Variants in PDE10A observed in about 807,000 individuals in gnomAD.
PDE10A encodes phosphodiesterase 10A, also known as cAMP and cAMP-inhibited cGMP 3',5'-cyclic phosphodiesterase 10A.
Under a neutral mutation model 97.7 loss-of-function variants are expected in PDE10A, and 39 were observed. That is an observed-to-expected ratio of 0.40 (90% confidence interval 0.31 to 0.52). The LOEUF (loss-of-function observed/expected upper bound fraction) is 0.52. PDE10A is among the 20% of genes least tolerant of loss of function. PDE10A has a pLI of 0.56. For synonymous variants in PDE10A, 371 were observed against 376.8 expected (o/e 0.98, Z 0.18); for missense variants, 731 against 1,047.8 (o/e 0.70, Z 4.17).
intron 1 of PDE10A, among the ~76,000 whole-genome samples, chr6:165,828,359 T>C (rs1779818087): frequency 6.6e-6 from 1 of 152,210 alleles, no homozygotes; most frequent in Admixed American, 6.5e-5. Context: ...CATTTGAGAA[T>C]AAGCTAGGTC....
chr6:165,923,128 A>G (rs1782802619), intron 1 of PDE10A, among the ~76,000 whole-genome samples: 1 of 152,238 alleles, frequency 6.6e-6, no homozygotes, highest in South Asian at 2.1e-4. Context: ...GGGAGCAGAG[A>G]TGAACAATGC....
intron 1 of PDE10A, among the ~76,000 whole-genome samples, chr6:165,577,995 C>T (rs1192054533): frequency 4.6e-5 from 7 of 152,194 alleles, no homozygotes; most frequent in African/African-American, 1.2e-4. Context: ...TCTCCACAGG[C>T]GTCTGCTCGC....
At chr6:165,682,226 G>A (rs1308199637) in intron 1 of PDE10A, among the ~76,000 whole-genome samples, 1 of 152,124 alleles carries the variant, frequency 6.6e-6, no homozygotes, top group Non-Finnish European at 1.5e-5. Flanking sequence ...TCAACCACAG[G>A]GTTCAGGTGA....
Position 165,865,841 on chromosome 6 carries a change from T to C in PDE10A, c.-615+121688A>G, listed in dbSNP as rs375670199. ...TGGGAGTTCCACAAGAAGAGATGAGTAAAGTAATAGAAACCCTATTTAATG... is the reference window on the plus strand; with the variant it reads ...TGGGAGTTCCACAAGAAGAGATGAGCAAAGTAATAGAAACCCTATTTAATG... On this transcript the variant is annotated intron_variant, in intron 1 of 19. Coordinates refer to the PDE10A transcript ENST00000366882. Among the ~76,000 whole-genome samples the C allele has an allele frequency of 2.4e-3, 359 of 151,782 alleles. 15 individuals carry two copies. In the South Asian group the frequency reaches 0.071, roughly 30 times the overall value.
At chr6:165,767,309 C>T (rs1777879599) in intron 1 of PDE10A, among the ~76,000 whole-genome samples, 1 of 152,180 alleles carries the variant, frequency 6.6e-6, no homozygotes, top group African/African-American at 2.4e-5. Flanking sequence ...CCATAAAATT[C>T]ATCCTTTAAA....
chr6:165,767,431 G>A (rs1167147246), intron 1 of PDE10A, among the ~76,000 whole-genome samples: 1 of 152,194 alleles, frequency 6.6e-6, no homozygotes, highest in Non-Finnish European at 1.5e-5. Flanking sequence ...TCCGTTGGCA[G>A]CCACTCTCCA....
At chr6:165,370,932 A>G (rs1784195916) in intron 18 of PDE10A, among the ~76,000 whole-genome samples, 1 of 143,102 alleles carries the variant, frequency 7.0e-6, no homozygotes, top group African/African-American at 2.7e-5. Flanking sequence ...AACTCACTCA[A>G]AACTGCTCAA....
At chr6:165,694,543 G>A (rs1791392702) in intron 1 of PDE10A, among the ~76,000 whole-genome samples, 1 of 152,098 alleles carries the variant, frequency 6.6e-6, no homozygotes, top group East Asian at 1.9e-4. Flanking sequence ...GGTGGGGCAG[G>A]AGAGCAGCGG....
chr6:165,938,210 G>C (rs1783397629), intron 1 of PDE10A, among the ~76,000 whole-genome samples: 1 of 152,214 alleles, frequency 6.6e-6, no homozygotes. Context: ...TGTGAAACAG[G>C]TCACCAACAG....
chr6:165,382,449 C>CCA, intron 17 of PDE10A, among the ~76,000 whole-genome samples: 1 of 152,194 alleles, frequency 6.6e-6, no homozygotes, highest in South Asian at 2.1e-4. Context: ...GTACATGAAA[C>CCA]CACATATTAG....
intron 1 of PDE10A, among the ~76,000 whole-genome samples, chr6:165,682,283 C>T (rs962886767): frequency 3.9e-5 from 6 of 152,116 alleles, no homozygotes; most frequent in Non-Finnish European, 1.5e-5. Context: ...AGACATGCAC[C>T]ACCACACACA....
In PDE10A at chr6:165,388,499, C is replaced by T. The variant is rs374655485; in HGVS notation, c.2455-46G>A. 3.6e-5 allele frequency: 56 copies of T among 1,571,760 alleles called. No homozygotes were observed. The highest frequency in any genetic ancestry group is 4.6e-5 in the Non-Finnish European group (53 of 1,144,200). Reference sequence around the variant, plus strand: ...CAGAGATGCTCAAAACACAGAAACACACATGAGCAGACTTACCGCTTACAT... The same window carrying T: ...CAGAGATGCTCAAAACACAGAAACATACATGAGCAGACTTACCGCTTACAT... On this transcript the variant is annotated intron_variant, in intron 16 of 21. Coordinates refer to ENST00000539869, the MANE Select transcript of PDE10A (RefSeq NM_001385079.1). The surrounding 1 kb of genome is among the most constrained non-coding windows in gnomAD (Gnocchi z 4.0).
chr6:165,839,931 A>T (rs146891923), intron 1 of PDE10A, among the ~76,000 whole-genome samples: 10 of 8,452 alleles, frequency 1.2e-3, no homozygotes, highest in Non-Finnish European at 1.5e-3. Context: ...CCTCATCTCC[A>T]TTCTTATCTT....
chr6:165,388,283 C>A lies in PDE10A; in HGVS notation c.2610+15G>T, dbSNP rs189344492. 4 of 1,613,110 alleles carry A rather than the reference C, an allele frequency of 2.5e-6. No individual in the cohort carries two copies. The highest frequency in any genetic ancestry group is 2.5e-6 in the Non-Finnish European group (3 of 1,179,296). On this transcript the variant is annotated intron_variant, in intron 17 of 21. Coordinates refer to ENST00000539869, the MANE Select transcript of PDE10A (RefSeq NM_001385079.1). The surrounding 1 kb of genome is among the most constrained non-coding windows in gnomAD (Gnocchi z 4.0). ...GCCCTTCAGACTAAGCGAGAGACGG[C>A]GTGCAGTGACTCACCTGGAGGATGG...
chr6:165,534,628 G>A (rs1169873799), intron 2 of PDE10A, among the ~76,000 whole-genome samples: 1 of 151,946 alleles, frequency 6.6e-6, no homozygotes, highest in Non-Finnish European at 1.5e-5. Context: ...ATCTAAACAT[G>A]TAAAGATGGT....
At chr6:165,883,387 A>G (rs1781540429) in intron 1 of PDE10A, among the ~76,000 whole-genome samples, 1 of 151,866 alleles carries the variant, frequency 6.6e-6, no homozygotes, top group Admixed American at 6.6e-5. Flanking sequence ...TACCAAGAAT[A>G]CAAAAATGGC....
At position 165,331,236 on chromosome 6, in the gene PDE10A, A is replaced by G. The variant is rs1781323428; in HGVS notation, c.*1789T>C. ...TCCATCCATATATATATGTGTGTGT[A>G]TATATCTAGCCACAGTGGTACTTCT... On this transcript the variant is annotated 3_prime_UTR_variant, in exon 22 of 22. Transcript: ENST00000539869. 1 of 152,134 alleles carries G rather than the reference A, an allele frequency of 6.6e-6. No homozygotes were observed. Among genetic ancestry groups the G allele is most frequent in the Non-Finnish European group, 1.5e-5 (1 of 68,010 alleles). 9.4% of individuals were successfully genotyped at this position (152,134 alleles called of 1,614,324 possible).
At chr6:165,607,118 C>T (rs989069532) in intron 1 of PDE10A, among the ~76,000 whole-genome samples, 2 of 152,122 alleles carry the variant, frequency 1.3e-5, no homozygotes, top group African/African-American at 2.4e-5. Context: ...TTTAAAAGAA[C>T]GTATTGAACT....
rs749132605 is a variant in PDE10A at position 165,448,984 on chromosome 6, A to C, written c.1145-7T>G. ...AATCCATCGGCTTTTGTGGCTGCCAAAGTAATAAGAAAAGGAAGAAACTGA... is the reference window on the plus strand; with the variant it reads ...AATCCATCGGCTTTTGTGGCTGCCACAGTAATAAGAAAAGGAAGAAACTGA... On this transcript the variant is annotated splice_region_variant and splice_polypyrimidine_tract_variant and intron_variant, in intron 4 of 21. Transcript: ENST00000539869. The C allele has an allele frequency of 3.7e-6, 6 of 1,610,802 alleles. No individual in the cohort carries two copies. The highest frequency in any genetic ancestry group is 5.1e-6 in the Non-Finnish European group (6 of 1,177,112).
Sources: gnomAD v4.1 joint callset for allele counts (sites outside exome capture counted in the v4.1 genomes callset) on GRCh38, gnomAD v4.1.1 for gene constraint, Gnocchi (gnomAD v3.1) non-coding constraint, MANE v1.5 for transcripts, NCBI Gene and HGNC (gene_info 2026-07-23, HGNC 2026-07-21) for gene names.